KDM4C: variants seen among roughly 807,000 people sequenced by gnomAD.
KDM4C encodes lysine demethylase 4C, also known as lysine-specific demethylase 4C.
A neutral mutation model predicts 129.3 loss-of-function variants in KDM4C; 81 were observed. The ratio of observed to expected loss-of-function variants is 0.63; its 90% CI spans 0.52 to 0.75. The LOEUF (loss-of-function observed/expected upper bound fraction) is 0.75, where lower values mean the gene tolerates loss of function less well. KDM4C is among the 30% of genes least tolerant of loss of function. The pLI is 0.00. For synonymous variants in KDM4C, 573 were observed against 456.1 expected (o/e 1.26, Z -3.26); for missense variants, 1,457 against 1,304.0 (o/e 1.12, Z -1.81).
intron 8 of KDM4C, among the ~76,000 whole-genome samples, chr9:6,944,277 T>C (rs1212612458): frequency 6.6e-6 from 1 of 152,222 alleles, no homozygotes; most frequent in African/African-American, 2.4e-5. Flanking sequence ...GTGCTTAATA[T>C]TACAGTGGTA....
intron 13 of KDM4C, among the ~76,000 whole-genome samples, chr9:7,013,512 C>T (rs12003442): frequency 0.085 from 12,914 of 152,218 alleles, 602 homozygotes; most frequent in Middle Eastern, 0.11. Flanking sequence ...ATGCTTTCCA[C>T]GAACTAATTT....
intron 17 of KDM4C, among the ~76,000 whole-genome samples, chr9:7,062,704 A>G (rs1831878867): frequency 1.3e-5 from 2 of 151,156 alleles, no homozygotes; most frequent in African/African-American, 4.9e-5. Context: ...TTTCCCCACC[A>G]TTTGAACTTA....
At chr9:7,150,977 T>C (rs1335738984) in intron 19 of KDM4C, among the ~76,000 whole-genome samples, 2 of 152,140 alleles carry the variant, frequency 1.3e-5, no homozygotes, top group Non-Finnish European at 2.9e-5. Flanking sequence ...CCAAGCATCG[T>C]GTCCACTTTG....
intron 2 of KDM4C, among the ~76,000 whole-genome samples, chr9:6,795,165 T>G (rs1052763972): frequency 6.6e-6 from 1 of 152,128 alleles, no homozygotes; most frequent in African/African-American, 2.4e-5. Context: ...GGAGGTCAGA[T>G]AGCATGGAAA....
At chr9:6,919,218 T>TTTCTTTCTTTCTTTCTTTC (rs1563811978) in intron 8 of KDM4C, among the ~76,000 whole-genome samples, 5 of 75,904 alleles carry the variant, frequency 6.6e-5, no homozygotes, top group African/African-American at 1.2e-4. Context: ...TGAATTTTCT[T>TTTCTTTCTTTCTTTCTTTC]TTTCCTTCTT....
intron 13 of KDM4C, 60 bp from the exon 14 acceptor site, chr9:7,013,728 A>G: frequency 6.6e-7 from 1 of 1,509,894 alleles, no homozygotes; most frequent in Non-Finnish European, 9.1e-7. Context: ...GATTTGAGTG[A>G]CTAGAATGAT....
chr9:7,066,943 C>T (rs1278182097), intron 17 of KDM4C, among the ~76,000 whole-genome samples: 1 of 152,146 alleles, frequency 6.6e-6, no homozygotes, highest in South Asian at 2.1e-4. Flanking sequence ...CATTACAGAG[C>T]TGTTTATTTG....
intron 18 of KDM4C, among the ~76,000 whole-genome samples, chr9:7,111,007 T>C (rs1479709497): frequency 6.6e-6 from 1 of 152,216 alleles, no homozygotes; most frequent in African/African-American, 2.4e-5. Context: ...GTAGGGACCA[T>C]GAAGCATCCT....
chr9:7,151,402 A>G (rs1469422919), intron 19 of KDM4C, among the ~76,000 whole-genome samples: 1 of 151,878 alleles, frequency 6.6e-6, no homozygotes, highest in African/African-American at 2.4e-5. Flanking sequence ...TCCTTTAGAA[A>G]CAAACAAGGC....
chr9:6,987,939 C>G lies in KDM4C; in HGVS notation c.1677+1273C>G, dbSNP rs965145648. ...TGAGAGACTGTGGTGGGAGGATCCC[C>G]TCGAGCCCAGAGGTTCGAGATGAGC... On this transcript the variant is annotated intron_variant, in intron 11 of 21. Transcript: ENST00000381309. 2.6e-5 allele frequency among the ~76,000 whole-genome samples: 4 copies of G among 151,510 alleles called. No individual in the cohort carries two copies. In the East Asian group the frequency reaches 7.8e-4, roughly 29 times the overall value.
intron 15 of KDM4C, among the ~76,000 whole-genome samples, chr9:7,025,932 C>T (rs12336927): frequency 0.063 from 9,543 of 152,168 alleles, 426 homozygotes; most frequent in African/African-American, 0.12. Context: ...AGGCTGGACA[C>T]GGTGGCCCAT....
chr9:7,125,191 C>A (rs148116541), intron 18 of KDM4C, among the ~76,000 whole-genome samples: 1 of 152,208 alleles, frequency 6.6e-6, no homozygotes, highest in Non-Finnish European at 1.5e-5. Flanking sequence ...ATAGCAAGAC[C>A]TCTTGCATTC....
At chr9:7,075,376 G>C (rs1833780965) in intron 17 of KDM4C, among the ~76,000 whole-genome samples, 1 of 152,190 alleles carries the variant, frequency 6.6e-6, no homozygotes, top group Non-Finnish European at 1.5e-5. Flanking sequence ...GTGTGGCAGT[G>C]TTGGGGGGTG....
intron 8 of KDM4C, chr9:6,925,664 G>A (rs1023479563): frequency 1.0e-6 from 1 of 983,800 alleles, no homozygotes; most frequent in Non-Finnish European, 1.2e-6. Flanking sequence ...GATGCTGTTC[G>A]GAGAACTGTA....
rs747718695 is a variant in KDM4C at position 7,034,020 on chromosome 9, T to TTGG, written c.2260-12829_2260-12827dup. Reference sequence around the variant, plus strand: ...AAGAAATCATGTACTTTTTTTTTTTTTGGTGGTGGTGGTGGGGCATCAGTT... The same window carrying TTGG: ...AAGAAATCATGTACTTTTTTTTTTTTTGGTGGTGGTGGTGGTGGGGCATCAGTT... On this transcript the variant is annotated intron_variant, in intron 15 of 21. Coordinates refer to ENST00000381309, the MANE Select transcript of KDM4C (RefSeq NM_015061.6). Among the ~76,000 whole-genome samples, 5 of 152,146 alleles carry TTGG rather than the reference T, an allele frequency of 3.3e-5. No individual in the cohort carries two copies. In the East Asian group the frequency reaches 7.7e-4, roughly 23 times the overall value.
intron 1 of KDM4C, among the ~76,000 whole-genome samples, chr9:6,724,864 A>G (rs1163243090): frequency 6.6e-6 from 1 of 152,082 alleles, no homozygotes. Flanking sequence ...CACTATTACA[A>G]ATTTAGTGAC....
intron 4 of KDM4C, among the ~76,000 whole-genome samples, chr9:6,836,956 G>T (rs560484088): frequency 6.6e-6 from 1 of 152,026 alleles, no homozygotes; most frequent in African/African-American, 2.4e-5. Flanking sequence ...AGGTATTTAC[G>T]TAGGAATGGA....
chr9:6,750,056 G>A (rs1375138374), intron 1 of KDM4C, among the ~76,000 whole-genome samples: 1 of 150,596 alleles, frequency 6.6e-6, no homozygotes, highest in Non-Finnish European at 1.5e-5. Context: ...CTGTGGTGTA[G>A]GCCAAGAAGA....
In KDM4C at chr9:6,790,682, A is replaced by AAAAAAAAG. The variant is rs71315564; in HGVS notation, c.-17-2290_-17-2289insAAAAAAAG. ...AAAAAAAAAAAAAAAAAAAAAAAAAAGAGGAAAACTTTTTTCCAGGAGGAT... is the reference window on the plus strand; with the variant it reads ...AAAAAAAAAAAAAAAAAAAAAAAAAAAAAAAAAGGAGGAAAACTTTTTTCCAGGAGGAT... On this transcript the variant is annotated intron_variant, in intron 1 of 21. Transcript: ENST00000381309. Among the ~76,000 whole-genome samples, 15 of 113,170 alleles carry AAAAAAAAG rather than the reference A, an allele frequency of 1.3e-4. 1 individual carries two copies. Among genetic ancestry groups the AAAAAAAAG allele is most frequent in the Non-Finnish European group, 2.4e-4 (13 of 54,684 alleles). 74.2% of individuals were successfully genotyped at this position (113,170 alleles called of 152,430 possible). A position where few individuals can be genotyped will look rare whatever the true frequency, so the allele number is the denominator to read the frequency against.
Sources: gnomAD v4.1 joint callset for allele counts (sites outside exome capture counted in the v4.1 genomes callset) on GRCh38, gnomAD v4.1.1 for gene constraint, MANE v1.5 for transcripts, NCBI Gene and HGNC (gene_info 2026-07-23, HGNC 2026-07-21) for gene names.